Variants in PHF14 observed in about 807,000 individuals in gnomAD.
PHF14 encodes the protein PHD finger protein 14.
A neutral mutation model predicts 117.9 loss-of-function variants in PHF14; 55 were observed. The observed-to-expected ratio is 0.47, with a 90% confidence interval of 0.38 to 0.58. The LOEUF (loss-of-function observed/expected upper bound fraction) is 0.58. PHF14 is among the 20% of genes least tolerant of loss of function. The pLI, the probability that PHF14 is intolerant of heterozygous loss-of-function variation, is 0.00. For missense variants in PHF14, 978 were observed against 1,122.2 expected (o/e 0.87, Z 1.84); for synonymous variants, 409 against 368.6 (o/e 1.11, Z -1.26).
chr7:10,985,176 T>C (rs1782174625), intron 3 of PHF14, among the ~76,000 whole-genome samples: 1 of 152,166 alleles, frequency 6.6e-6, no homozygotes, highest in South Asian at 2.1e-4. Flanking sequence ...ATCTTAATTT[T>C]GTGAAAAGAT....
At chr7:11,134,529 G>C (rs1333206694) in intron 17 of PHF14, among the ~76,000 whole-genome samples, 2 of 151,944 alleles carry the variant, frequency 1.3e-5, no homozygotes, top group Non-Finnish European at 2.9e-5. Context: ...TAAATAATTT[G>C]AAAAATATTG....
chr7:11,110,785 C>T (rs1787417653), intron 16 of PHF14, among the ~76,000 whole-genome samples: 1 of 151,902 alleles, frequency 6.6e-6, no homozygotes, highest in African/African-American at 2.4e-5. Context: ...ATTGTGTTAG[C>T]ATGCTATAAA....
At chr7:11,060,843 C>T (rs1261645294) in intron 14 of PHF14, among the ~76,000 whole-genome samples, 1 of 152,032 alleles carries the variant, frequency 6.6e-6, no homozygotes, top group East Asian at 1.9e-4. Flanking sequence ...ATTTAGTTGA[C>T]TCTTGGTTAT....
At chr7:11,050,488 C>T (rs1359390526) in intron 13 of PHF14, among the ~76,000 whole-genome samples, 2 of 152,018 alleles carry the variant, frequency 1.3e-5, no homozygotes, top group Non-Finnish European at 2.9e-5. Context: ...AGATTTCCAG[C>T]AGTTGTTGTT....
intron 17 of PHF14, among the ~76,000 whole-genome samples, chr7:11,168,839 T>A (rs776671910): frequency 1.3e-5 from 2 of 152,138 alleles, no homozygotes; most frequent in Non-Finnish European, 2.9e-5. Flanking sequence ...CATTATGATG[T>A]CATTTCATCT....
intron 4 of PHF14, among the ~76,000 whole-genome samples, chr7:10,991,788 G>A (rs1583337501): frequency 2.0e-5 from 2 of 97,810 alleles, no homozygotes; most frequent in African/African-American, 8.5e-5. Flanking sequence ...GGTAGAGACA[G>A]GGTTTTGCTA....
intron 6 of PHF14, among the ~76,000 whole-genome samples, chr7:11,026,889 T>G (rs1783931826): frequency 6.6e-6 from 1 of 152,170 alleles, no homozygotes; most frequent in African/African-American, 2.4e-5. Flanking sequence ...AGGTACTCTC[T>G]GGCTTCTCTG....
chr7:11,077,556 G>A (rs973220802), intron 16 of PHF14, among the ~76,000 whole-genome samples: 4 of 142,704 alleles, frequency 2.8e-5, no homozygotes, highest in Admixed American at 7.3e-5. Flanking sequence ...AGCCCAGATC[G>A]CGCCACTGCA....
chr7:11,105,077 A>G lies in PHF14; in HGVS notation c.2655-6273A>G. The G allele has an allele frequency of 4.3e-6, 4 of 928,358 alleles. No homozygotes were observed. The African/African-American group carries it at 5.3e-5, about 12-fold the overall frequency. The allele number at this position is 928,358 out of a possible 1,614,324, so 57.5% of individuals were successfully genotyped here. A position where few individuals can be genotyped will look rare whatever the true frequency, so the allele number is the denominator to read the frequency against. Reference sequence around the variant, plus strand: ...GACTATGGAAACAGCACTATTTTAGATACAGAAAGAAATCAATAAACATAG... The same window carrying G: ...GACTATGGAAACAGCACTATTTTAGGTACAGAAAGAAATCAATAAACATAG... On this transcript the variant is annotated intron_variant, in intron 16 of 17. Transcript: ENST00000634607.
At chr7:11,033,267 T>C (rs971015770) in intron 7 of PHF14, among the ~76,000 whole-genome samples, 2 of 152,196 alleles carry the variant, frequency 1.3e-5, no homozygotes, top group African/African-American at 2.4e-5. Context: ...CACTCTAATA[T>C]ACAATTCCAG....
At chr7:11,128,976 G>C (rs1583488113) in intron 17 of PHF14, among the ~76,000 whole-genome samples, 1 of 151,776 alleles carries the variant, frequency 6.6e-6, no homozygotes, top group East Asian at 1.9e-4. Context: ...TCATGCTATT[G>C]ATCTTTTTAT....
chr7:11,106,302 T>C, intron 16 of PHF14: 2 of 974,148 alleles, frequency 2.1e-6, no homozygotes, highest in Non-Finnish European at 1.2e-6. Flanking sequence ...TCTTTCTTAC[T>C]ACCCATTCAT....
intron 17 of PHF14, among the ~76,000 whole-genome samples, chr7:11,122,352 T>TATATATATATATACACACACACACAC: frequency 7.6e-5 from 5 of 65,874 alleles, no homozygotes; most frequent in Non-Finnish European, 1.1e-4. Flanking sequence ...TATATATATA[T>TATATATATATATACACACACACACAC]ACACACACAC....
intron 17 of PHF14, among the ~76,000 whole-genome samples, chr7:11,142,536 C>G (rs771403504): frequency 1.3e-5 from 2 of 152,002 alleles, no homozygotes; most frequent in African/African-American, 4.8e-5. Context: ...AGCTTATAAC[C>G]AAGATAACAT....
chr7:11,026,694 A>T (rs1332738953), intron 6 of PHF14, among the ~76,000 whole-genome samples: 1 of 147,612 alleles, frequency 6.8e-6, no homozygotes, highest in South Asian at 2.2e-4. Flanking sequence ...TCTGATGTCT[A>T]GTTGGCTGTT....
chr7:11,032,478 T>A (rs1784151765), intron 7 of PHF14, among the ~76,000 whole-genome samples: 1 of 150,446 alleles, frequency 6.6e-6, no homozygotes, highest in Non-Finnish European at 1.5e-5. Flanking sequence ...TATGTCAGTT[T>A]TACCCAGGGA....
chr7:11,162,612 G>C (rs1487483016), intron 17 of PHF14, among the ~76,000 whole-genome samples: 1 of 151,604 alleles, frequency 6.6e-6, no homozygotes, highest in Non-Finnish European at 1.5e-5. Context: ...GCCCTCTTCA[G>C]ATGGCTGTGG....
At chr7:11,043,543 C>G (rs1214666842) in intron 13 of PHF14, among the ~76,000 whole-genome samples, 1 of 152,112 alleles carries the variant, frequency 6.6e-6, no homozygotes, top group Non-Finnish European at 1.5e-5. Flanking sequence ...GTAATCTCTA[C>G]AAGAGGTTGT....
intron 6 of PHF14, among the ~76,000 whole-genome samples, chr7:11,027,730 A>G (rs1033186042): frequency 1.3e-5 from 2 of 152,134 alleles, no homozygotes; most frequent in South Asian, 4.1e-4. Flanking sequence ...TATTTAAAAC[A>G]TGCATGATTT....
Sources: allele counts gnomAD v4.1 joint callset (sites outside exome capture counted in the v4.1 genomes callset), GRCh38; gene constraint gnomAD v4.1.1; transcripts MANE v1.5; gene names NCBI Gene and HGNC (gene_info 2026-07-23, HGNC 2026-07-21).